RGS17: variants seen among roughly 807,000 people sequenced by gnomAD.
RGS17 encodes regulator of G-protein signaling 17.
A neutral mutation model predicts 25.5 loss-of-function variants in RGS17; 12 were observed. The observed-to-expected ratio is 0.47, with a 90% CI of 0.30 to 0.76. RGS17 has a LOEUF of 0.76. RGS17 is among the 30% of genes least tolerant of loss of function. RGS17 has a pLI of 0.07. For missense variants in RGS17, 196 were observed against 242.2 expected (o/e 0.81, Z 1.27); for synonymous variants, 71 against 76.9 (o/e 0.92, Z 0.40).
intron 1 of RGS17, among the ~76,000 whole-genome samples, chr6:153,070,628 T>C (rs1454964350): frequency 6.7e-6 from 1 of 150,322 alleles, no homozygotes; most frequent in African/African-American, 2.5e-5. Context: ...CTTCCATGGA[T>C]ACTGGCTGTA....
At chr6:153,081,643 TTC>T (rs1776982753) in intron 1 of RGS17, among the ~76,000 whole-genome samples, 1 of 152,134 alleles carries the variant, frequency 6.6e-6, no homozygotes, top group Non-Finnish European at 1.5e-5. Flanking sequence ...CCCCTCTTTT[TTC>T]TTTCTTGAGC....
Position 153,054,122 on chromosome 6 carries a change from A to G in RGS17, c.-25-10079T>C, listed in dbSNP as rs1223298509. Among the ~76,000 whole-genome samples, 3 of 124,596 alleles carry G rather than the reference A, an allele frequency of 2.4e-5. 1 individual carries two copies. The highest frequency in any genetic ancestry group is 8.8e-5 in the Admixed American group (1 of 11,362). The allele number at this position is 124,596 out of a possible 152,430, so 81.7% of individuals were successfully genotyped here. A position where few individuals can be genotyped will look rare whatever the true frequency, so the allele number is the denominator to read the frequency against. The stretch of plus-strand genomic sequence containing the variant: ...TATATATATATATATATGTGTATAT[A>G]TATATATATACAGCTTTATACCAGG... On this transcript the variant is annotated intron_variant, in intron 1 of 4. Transcript: ENST00000206262.
intron 1 of RGS17, among the ~76,000 whole-genome samples, chr6:153,107,002 T>C (rs979116776): frequency 6.6e-6 from 1 of 152,120 alleles, no homozygotes; most frequent in Admixed American, 6.5e-5. Flanking sequence ...TCATTTCTCT[T>C]GATGGCATCT....
chr6:153,014,643 G>A (rs1177423106), intron 4 of RGS17, among the ~76,000 whole-genome samples: 2 of 151,752 alleles, frequency 1.3e-5, no homozygotes, highest in African/African-American at 4.8e-5. Flanking sequence ...CTAAAAATAC[G>A]AAAAATTAGC....
intron 1 of RGS17, among the ~76,000 whole-genome samples, chr6:153,073,333 T>C (rs1366433949): frequency 3.3e-5 from 5 of 152,172 alleles, no homozygotes; most frequent in Non-Finnish European, 7.3e-5. Context: ...TGCTCCACTT[T>C]AGAGAGTCTT....
At chr6:153,017,324 G>A (rs1451603859) in intron 4 of RGS17, among the ~76,000 whole-genome samples, 1 of 152,158 alleles carries the variant, frequency 6.6e-6, no homozygotes, top group African/African-American at 2.4e-5. Context: ...CAGGGAGCAG[G>A]AGACAGGGAG....
intron 1 of RGS17, among the ~76,000 whole-genome samples, chr6:153,054,213 T>C (rs1377946615): frequency 5.4e-5 from 8 of 148,228 alleles, no homozygotes; most frequent in African/African-American, 1.5e-4. Context: ...GAGAATTGAA[T>C]ACCTTAATTT....
intron 1 of RGS17, among the ~76,000 whole-genome samples, chr6:153,090,427 A>T (rs1777110795): frequency 6.7e-6 from 1 of 150,222 alleles, no homozygotes; most frequent in Non-Finnish European, 1.5e-5. Flanking sequence ...AGCCTGGGCA[A>T]TAGTGAAACC....
At chr6:153,087,886 A>C (rs1417750980) in intron 1 of RGS17, among the ~76,000 whole-genome samples, 1 of 152,170 alleles carries the variant, frequency 6.6e-6, no homozygotes, top group Non-Finnish European at 1.5e-5. Flanking sequence ...AGTATTCCAC[A>C]CCAATGTATA....
intron 2 of RGS17, among the ~76,000 whole-genome samples, chr6:153,043,500 A>AC: frequency 6.6e-6 from 1 of 152,072 alleles, no homozygotes; most frequent in East Asian, 1.9e-4. Flanking sequence ...AAAAAAAAAA[A>AC]AACACATGCA....
chr6:153,012,415 T>A (rs503366), intron 4 of RGS17, among the ~76,000 whole-genome samples: 1 of 151,900 alleles, frequency 6.6e-6, no homozygotes, highest in South Asian at 2.1e-4. Context: ...AGAGGAGAAA[T>A]AGGAATAGGA....
intron 1 of RGS17, among the ~76,000 whole-genome samples, chr6:153,067,552 C>T (rs1230270875): frequency 1.3e-5 from 2 of 152,038 alleles, no homozygotes; most frequent in African/African-American, 4.8e-5. Context: ...AAAGTAATCC[C>T]ATTACAACAA....
At chr6:153,097,715 A>G (rs1041064800) in intron 1 of RGS17, among the ~76,000 whole-genome samples, 3 of 152,126 alleles carry the variant, frequency 2.0e-5, no homozygotes, top group African/African-American at 7.2e-5. Context: ...GAGAAGGTCA[A>G]GAAACTCTAG....
At chr6:153,052,537 C>A (rs2129112169) in intron 1 of RGS17, among the ~76,000 whole-genome samples, 2 of 151,882 alleles carry the variant, frequency 1.3e-5, no homozygotes, top group Middle Eastern at 3.4e-3. Context: ...TTTGCACCAA[C>A]CTAATATTTG....
chr6:153,059,056 C>G (rs957383617), intron 1 of RGS17, among the ~76,000 whole-genome samples: 1 of 151,872 alleles, frequency 6.6e-6, no homozygotes, highest in Non-Finnish European at 1.5e-5. Flanking sequence ...GTGAATATAC[C>G]CATGTAATTT....
In RGS17 at chr6:153,104,502, C is replaced by T. The variant is rs141588501; in HGVS notation, c.-26+26622G>A. On this transcript the variant is annotated intron_variant, in intron 1 of 4. Transcript: ENST00000206262. ...CCCAGATCTGAAATTAGAACATGGA[C>T]GTAAAGATAATTCAAAGAGAAATGT... Among the ~76,000 whole-genome samples, 14 of 152,154 alleles carry T rather than the reference C, an allele frequency of 9.2e-5. No homozygotes were observed. In the East Asian group the frequency reaches 1.5e-3, roughly 17 times the overall value.
intron 1 of RGS17, among the ~76,000 whole-genome samples, chr6:153,099,244 CT>C (rs914246046): frequency 2.0e-5 from 3 of 152,200 alleles, no homozygotes; most frequent in African/African-American, 7.2e-5. Context: ...TTCACCTTCT[CT>C]TTTTCTCCTA....
chr6:153,114,731 A>G (rs1468814883), intron 1 of RGS17, among the ~76,000 whole-genome samples: 2 of 152,196 alleles, frequency 1.3e-5, no homozygotes, highest in African/African-American at 4.8e-5. Context: ...CTTATCCACC[A>G]TGATCAAGAC....
chr6:153,057,218 T>C (rs2129113721), intron 1 of RGS17, among the ~76,000 whole-genome samples: 1 of 151,970 alleles, frequency 6.6e-6, no homozygotes, highest in African/African-American at 2.4e-5. Context: ...AAAAGCTTCA[T>C]ATTCTTAACT....
Sources: gnomAD v4.1 joint callset for allele counts (sites outside exome capture counted in the v4.1 genomes callset) on GRCh38, gnomAD v4.1.1 for gene constraint, MANE v1.5 for transcripts, NCBI Gene and HGNC (gene_info 2026-07-23, HGNC 2026-07-21) for gene names.